Variants in MBP observed in about 807,000 individuals in gnomAD.
MBP encodes the protein Golli-MBP.
MBP carries 16 observed loss-of-function variants against 35.8 expected under a neutral mutation model. That is an observed-to-expected ratio of 0.45 (90% CI 0.30 to 0.68). The LOEUF is 0.68. Among genes scored for constraint, MBP ranks in the 30% least tolerant of loss-of-function variants. The pLI is 0.08. For missense variants in MBP, 380 were observed against 404.7 expected (o/e 0.94, Z 0.52); for synonymous variants, 143 against 159.6 (o/e 0.90, Z 0.78).
At chr18:77,054,835 G>T (rs1973660761) in intron 3 of MBP, among the ~76,000 whole-genome samples, 1 of 152,166 alleles carries the variant, frequency 6.6e-6, no homozygotes, top group Non-Finnish European at 1.5e-5. Context: ...CCTGTTAGCG[G>T]TGGGTAATGT....
At chr18:77,109,595 A>G (rs1261988149) in intron 1 of MBP, 1 of 152,234 alleles carries the variant, frequency 6.6e-6, no homozygotes. Flanking sequence ...CGTGAGATAG[A>G]GAAGACCTCA....
At position 77,112,169 on chromosome 18, in the gene MBP, G is replaced by GCACACACACACACACA. The variant is rs6146398; in HGVS notation, c.-25-6899_-25-6884dup. On this transcript the variant is annotated intron_variant, in intron 1 of 8. Transcript: ENST00000355994. ...CCCGTAGAATGAACACCGTGCACAC[G>GCACACACACACACACA]CACACACACACACACACACACGTGC... Among the ~76,000 whole-genome samples, 797 of 150,984 alleles carry GCACACACACACACACA rather than the reference G, an allele frequency of 5.3e-3. 2 individuals are homozygous for GCACACACACACACACA. Among genetic ancestry groups the GCACACACACACACACA allele is most frequent in the East Asian group, 0.026 (133 of 5,046 alleles).
intron 2 of MBP, among the ~76,000 whole-genome samples, chr18:77,068,016 C>CGT (rs56090018): frequency 0.29 from 43,628 of 149,572 alleles, 6,268 homozygotes; most frequent in African/African-American, 0.32. Context: ...CCCTCCATCC[C>CGT]GTGTGTGTGT....
chr18:77,018,865 TATCCATCCATCCATCCATCC>T (rs200121847), intron 3 of MBP, among the ~76,000 whole-genome samples: 98 of 125,214 alleles, frequency 7.8e-4, no homozygotes, highest in African/African-American at 1.2e-3. Flanking sequence ...CTCATCCATC[TATCCATCCATCCATCCATCC>T]ATCCATCCAT....
chr18:77,058,181 CG>C (rs1973819201), intron 3 of MBP, among the ~76,000 whole-genome samples: 1 of 152,120 alleles, frequency 6.6e-6, no homozygotes, highest in Admixed American at 6.5e-5. Context: ...AGGGACCCTC[CG>C]GGGAGAAGAG....
intron 7 of MBP, chr18:76,985,348 G>A (rs932604408): frequency 7.8e-7 from 1 of 1,283,142 alleles, no homozygotes; most frequent in Non-Finnish European, 1.0e-6. Context: ...GCCCCGGCCT[G>A]CGCCTTTGCT....
chr18:77,113,087 C>G (rs34246877), intron 1 of MBP: 1 of 151,982 alleles, frequency 6.6e-6, no homozygotes, highest in African/African-American at 2.4e-5. Context: ...TACAGGTGTC[C>G]GCCACCACAC....
intron 2 of MBP, among the ~76,000 whole-genome samples, chr18:77,092,185 G>A (rs1014892233): frequency 6.6e-6 from 1 of 152,244 alleles, no homozygotes. Flanking sequence ...CGGCGTTTCC[G>A]AAATGACCTG....
intron 1 of MBP, among the ~76,000 whole-genome samples, chr18:77,121,713 T>G (rs1451601156): frequency 6.6e-6 from 1 of 152,280 alleles, no homozygotes; most frequent in Non-Finnish European, 1.5e-5. Context: ...AGACGTGCTA[T>G]GCCTGTTTCT....
chr18:76,994,324 T>G (rs1180901222), intron 4 of MBP, among the ~76,000 whole-genome samples: 1 of 152,238 alleles, frequency 6.6e-6, no homozygotes, highest in Non-Finnish European at 1.5e-5. Flanking sequence ...TTGAGTCACA[T>G]AAACATTTCT....
intron 4 of MBP, among the ~76,000 whole-genome samples, chr18:76,994,183 G>A (rs1019072474): frequency 1.3e-5 from 2 of 152,208 alleles, no homozygotes; most frequent in African/African-American, 4.8e-5. Flanking sequence ...GTGTCTACCA[G>A]ACGAAGTTAC....
chr18:77,081,951 A>G (rs1440071472), intron 2 of MBP, among the ~76,000 whole-genome samples: 1 of 151,678 alleles, frequency 6.6e-6, no homozygotes, highest in Non-Finnish European at 1.5e-5. Context: ...TCCCGGGTTC[A>G]CGCCATTCTC....
At chr18:76,999,246 C>T (rs112913087) in intron 4 of MBP, among the ~76,000 whole-genome samples, 3 of 152,036 alleles carry the variant, frequency 2.0e-5, no homozygotes, top group Admixed American at 6.5e-5. Context: ...CCATGGGGGA[C>T]GCTGAAGCGG....
intron 2 of MBP, among the ~76,000 whole-genome samples, chr18:77,100,212 G>A (rs1244721696): frequency 2.0e-5 from 3 of 152,192 alleles, no homozygotes; most frequent in African/African-American, 4.8e-5. Context: ...CTTCTAAGCA[G>A]AGATTAGGAC....
chr18:77,001,168 G>A (rs1970612592), intron 4 of MBP, among the ~76,000 whole-genome samples: 2 of 142,516 alleles, frequency 1.4e-5, no homozygotes, highest in South Asian at 5.2e-4. Context: ...CCGCCCACCC[G>A]GTTCCCACTC....
intron 7 of MBP, chr18:76,987,144 C>A (rs777872297): frequency 3.0e-6 from 3 of 985,378 alleles, no homozygotes; most frequent in Non-Finnish European, 3.6e-6. Flanking sequence ...GTGCAACCCC[C>A]CATCGCTCCA....
chr18:77,008,250 G>A lies in MBP; in HGVS notation c.576+8582C>T, dbSNP rs117823719. 7.0e-3 allele frequency among the ~76,000 whole-genome samples: 1,070 copies of A among 152,270 alleles called. 10 individuals are homozygous for A. The highest frequency in any genetic ancestry group is 0.012 in the Non-Finnish European group (833 of 68,014). On this transcript the variant is annotated intron_variant, in intron 4 of 8. Transcript: ENST00000355994. ...CAGCACTGCTCTCCAGGGCGGGGCC[G>A]GCAGGGTCGGTGCCTCCCAGGCAGG... is the stretch of plus-strand genomic sequence containing the variant.
Position 77,131,133 on chromosome 18 carries a change from G to T in MBP, c.-26+1447C>A, listed in dbSNP as rs900283463. ...CACACACACACACCCCCTCTGCCGC[G>T]GTACCCTTCCCCTGGCCTTCCTCCA... is the stretch of plus-strand genomic sequence containing the variant. On this transcript the variant is annotated intron_variant, in intron 1 of 8. Coordinates refer to ENST00000355994, the MANE Select transcript of MBP (RefSeq NM_001025101.2). The surrounding 1 kb of genome is among the most constrained non-coding windows in gnomAD (Gnocchi z 5.5). 4.2e-5 allele frequency among the ~76,000 whole-genome samples: 6 copies of T among 143,690 alleles called. No individual in the cohort carries two copies. The highest frequency in any genetic ancestry group is 1.1e-4 in the African/African-American group (4 of 37,662). 94.3% of individuals were successfully genotyped at this position (143,690 alleles called of 152,430 possible).
At chr18:77,106,742 TGA>T (rs1295321687) in intron 1 of MBP, among the ~76,000 whole-genome samples, 4 of 152,146 alleles carry the variant, frequency 2.6e-5, no homozygotes, top group Non-Finnish European at 5.9e-5. Flanking sequence ...CTTCATGGCA[TGA>T]GAGTGAAAAA....
Sources: allele counts gnomAD v4.1 joint callset (sites outside exome capture counted in the v4.1 genomes callset), GRCh38; gene constraint gnomAD v4.1.1; non-coding constraint Gnocchi (gnomAD v3.1); transcripts MANE v1.5; gene names NCBI Gene and HGNC (gene_info 2026-07-23, HGNC 2026-07-21).